Variants in HARS2 observed in about 807,000 individuals in gnomAD.
HARS2 encodes the protein histidine--tRNA ligase, mitochondrial.
Under a neutral mutation model 62.4 loss-of-function variants are expected in HARS2, and 40 were observed. That is an observed-to-expected ratio of 0.64 (90% CI 0.50 to 0.83). HARS2 has a LOEUF of 0.83. Ranked by LOEUF, HARS2 falls within the 40% of genes least tolerant of loss-of-function variation. HARS2 has a pLI of 0.00. For synonymous variants in HARS2, 228 were observed against 227.0 expected (o/e 1.00, Z -0.04); for missense variants, 569 against 626.4 (o/e 0.91, Z 0.98).
intron 12 of HARS2, 135 bp from the exon 13 acceptor site, chr5:140,698,358 G>A (rs1210534429): frequency 2.4e-6 from 2 of 818,472 alleles, no homozygotes; most frequent in Non-Finnish European, 4.4e-6. Flanking sequence ...CATTCTTCAG[G>A]TCAACCCACA....
Position 140,693,660 on chromosome 5 carries a change from C to G in HARS2, c.178C>G (p.Pro60Ala). 6.2e-7 allele frequency: 1 copy of G among 1,613,214 alleles called. No homozygotes were observed. The highest frequency in any genetic ancestry group is 1.7e-5 in the Admixed American group (1 of 60,020). The stretch of plus-strand genomic sequence containing the variant: ...GAAACCAAATTTTATTATCAAGACC[C>G]CAAAGGTAATACTTTTTGCCTACCC... Reference protein sequence around the residue: ...QEKPNFIIKTPKGTRDLSPQH... With the variant: ...QEKPNFIIKTAKGTRDLSPQH... Residue 60 changes from proline (P) to alanine (A), a missense_variant, in exon 2 of 13, where the codon CCA becomes GCA. Coordinates refer to ENST00000230771, the MANE Select transcript of HARS2 (RefSeq NM_012208.4).
chr5:140,693,347 AAT>A, intron 1 of HARS2: 1 of 711,080 alleles, frequency 1.4e-6, no homozygotes, highest in Non-Finnish European at 2.3e-6. Flanking sequence ...AAAAAAAAAA[AAT>A]CCATATACAG....
chr5:140,692,946 G>T (rs1161973379), intron 1 of HARS2, among the ~76,000 whole-genome samples: 1 of 151,852 alleles, frequency 6.6e-6, no homozygotes, highest in Non-Finnish European at 1.5e-5. Context: ...ACCTGGAGAA[G>T]ATCACCATAA....
chr5:140,691,844 T>TA, intron 1 of HARS2, 88 bp downstream of exon 1: 1 of 940,438 alleles, frequency 1.1e-6, no homozygotes, highest in Non-Finnish European at 1.7e-6. Flanking sequence ...CCAGTAGTGT[T>TA]ACAATCGGTT....
At chr5:140,696,244 G>C in intron 7 of HARS2, 43 bp downstream of exon 7, 1 of 1,341,588 alleles carries the variant, frequency 7.5e-7, no homozygotes, top group Non-Finnish European at 1.1e-6. Flanking sequence ...TCTAGCTTCT[G>C]CCCTGCCCTC....
intron 1 of HARS2, among the ~76,000 whole-genome samples, chr5:140,693,227 G>A (rs1759603018): frequency 6.6e-6 from 1 of 151,702 alleles, no homozygotes; most frequent in Non-Finnish European, 1.5e-5. Context: ...CAGCTACTCG[G>A]GAGGCTAAGG....
intron 1 of HARS2, among the ~76,000 whole-genome samples, chr5:140,692,522 T>A (rs1352507505): frequency 6.6e-6 from 1 of 152,240 alleles, no homozygotes; most frequent in Non-Finnish European, 1.5e-5. Flanking sequence ...TTCTGTGTCC[T>A]TGAGCTGGTT....
In HARS2 at chr5:140,697,327, C is replaced by T. The variant is rs1313047437; in HGVS notation, c.1118C>T (p.Pro373Leu). 1.2e-6 allele frequency: 2 copies of T among 1,613,988 alleles called. No homozygotes were observed. The highest frequency in any genetic ancestry group is 1.7e-6 in the Non-Finnish European group (2 of 1,180,032). The change falls in exon 10 of 13, where the codon CCC (proline) becomes CTC (leucine). Residue 373 changes from proline (P) to leucine (L), a missense_variant. By Grantham distance (98) the Pro-to-Leu change is moderately conservative (BLOSUM62 -3). Coordinates refer to ENST00000230771, the MANE Select transcript of HARS2 (RefSeq NM_012208.4). ...GATGGGCTGGTGGGCATGTTTGACC[C>T]CAAGGGCCACAAGGTGCCATGTGTG... ...RYDGLVGMFD[P>L]KGHKVPCVGL...
intron 4 of HARS2, among the ~76,000 whole-genome samples, chr5:140,694,962 T>G (rs1759687081): frequency 6.6e-6 from 1 of 151,012 alleles, no homozygotes. Flanking sequence ...AAAAATTTTT[T>G]TTGTGGAGAT....
In HARS2 at chr5:140,697,189, G is replaced by A. The variant is rs778499309; in HGVS notation, c.980G>A (p.Arg327Gln). 7.4e-6 allele frequency: 12 copies of A among 1,614,136 alleles called. No homozygotes were observed. The highest frequency in any genetic ancestry group is 4.5e-5 in the East Asian group (2 of 44,880). The part of the protein sequence containing the change: ...DKISFDLSLA[R>Q]GLDYYTGVIY... ...ATCTCCTTTGACCTCAGCCTGGCTC[G>A]GGGCCTAGACTACTATACAGGAGTG... The change falls in exon 10 of 13, where the codon CGG becomes CAG. Residue 327 changes from arginine (R) to glutamine (Q), a missense_variant. By Grantham distance (43) the Arg-to-Gln change is conservative (BLOSUM62 1). Coordinates refer to ENST00000230771, the MANE Select transcript of HARS2 (RefSeq NM_012208.4).
In HARS2 at chr5:140,697,703, T is replaced by C. The variant is rs1223345839; in HGVS notation, c.1314+18T>C. Reference sequence around the variant, plus strand: ...GAATCAAGGTATGGTGGAGCTGATATCTGAGCCATCTGGGTATGTGTGGAA... The same window carrying C: ...GAATCAAGGTATGGTGGAGCTGATACCTGAGCCATCTGGGTATGTGTGGAA... On this transcript the variant is annotated intron_variant, in intron 11 of 12. Coordinates refer to ENST00000230771, the MANE Select transcript of HARS2 (RefSeq NM_012208.4). 2 of 1,520,544 alleles carry C rather than the reference T, an allele frequency of 1.3e-6. No homozygotes were observed. Among genetic ancestry groups the C allele is most frequent in the Non-Finnish European group, 1.8e-6 (2 of 1,094,676 alleles). The allele number at this position is 1,520,544 out of a possible 1,614,324, so 94.2% of individuals were successfully genotyped here.
rs7715879 is a variant in HARS2, at chr5:140,698,391, G to A, written c.1462-102G>A. The A allele has an allele frequency of 1.7e-3, 1,552 of 916,472 alleles. 13 individuals are homozygous for A. In the African/African-American group the frequency reaches 0.023, roughly 14 times the overall value. 56.8% of individuals were successfully genotyped at this position (916,472 alleles called of 1,614,324 possible). A position where few individuals can be genotyped will look rare whatever the true frequency, so the allele number is the denominator to read the frequency against. On this transcript the variant is annotated intron_variant, in intron 12 of 12. Transcript: ENST00000230771. ...ACACTACTCCTTTCTGGTTGTATAA[G>A]TAATGGGAGAAGATGCAGAGTAAAA...
chr5:140,694,117 A>G (rs1446191216), intron 3 of HARS2, 63 bp downstream of exon 3: 1 of 1,609,710 alleles, frequency 6.2e-7, no homozygotes, highest in Non-Finnish European at 8.5e-7. Flanking sequence ...TCAGTGTCCC[A>G]AAGGGCTTCT....
Position 140,698,560 on chromosome 5 carries a change from C to G in HARS2, c.*8C>G, listed in dbSNP as rs375444625. 2 of 1,608,148 alleles carry G rather than the reference C, an allele frequency of 1.2e-6. No individual in the cohort carries two copies. Among genetic ancestry groups the G allele is most frequent in the Non-Finnish European group, 1.7e-6 (2 of 1,174,510 alleles). On this transcript the variant is annotated 3_prime_UTR_variant, in exon 13 of 13. Transcript: ENST00000230771. ...CGACTGTCTGAGTCTTGATCCTTGC[C>G]TGATTCCCATCTGCTGCTCTTTGTA... is the stretch of plus-strand genomic sequence containing the variant.
intron 1 of HARS2, among the ~76,000 whole-genome samples, chr5:140,693,034 TG>T (rs1230059837): frequency 1.3e-5 from 2 of 151,682 alleles, no homozygotes; most frequent in Admixed American, 6.6e-5. Context: ...TTAAAGTATT[TG>T]AGAATATTAA....
chr5:140,696,388 A>T, intron 7 of HARS2, 133 bp from the exon 8 acceptor site: 3 of 825,664 alleles, frequency 3.6e-6, no homozygotes, highest in Non-Finnish European at 6.3e-6. Context: ...TGGATTTCTT[A>T]AGCTGTCTCT....
Position 140,691,610 on chromosome 5 carries a change from T to C in HARS2, c.-39T>C. On this transcript the variant is annotated 5_prime_UTR_variant, in exon 1 of 13. Coordinates refer to ENST00000230771, the MANE Select transcript of HARS2 (RefSeq NM_012208.4). ...GTCTGACCCGCCTCCTTCCCAGGCC[T>C]TTTGTTCCTGTCCCGGAAAGCCGGC... 7.3e-7 allele frequency: 1 copy of C among 1,365,568 alleles called. No homozygotes were observed. The highest frequency in any genetic ancestry group is 1.0e-6 in the Non-Finnish European group (1 of 979,214). The allele number at this position is 1,365,568 out of a possible 1,614,324, so 84.6% of individuals were successfully genotyped here. A position where few individuals can be genotyped will look rare whatever the true frequency, so the allele number is the denominator to read the frequency against.
chr5:140,698,880 C>A lies in HARS2; in HGVS notation c.*328C>A. 2.5e-6 allele frequency: 1 copy of A among 395,126 alleles called. No individual in the cohort carries two copies. The highest frequency in any genetic ancestry group is 4.8e-6 in the Non-Finnish European group (1 of 208,812). 24.5% of individuals were successfully genotyped at this position (395,126 alleles called of 1,614,324 possible). ...AAGGCTCTGGGAGAGTCACCTCAGGCTCAGGATTCTGAACCATTGAGATCA... is the reference window on the plus strand; with the variant it reads ...AAGGCTCTGGGAGAGTCACCTCAGGATCAGGATTCTGAACCATTGAGATCA... On this transcript the variant is annotated 3_prime_UTR_variant, in exon 13 of 13. Coordinates refer to ENST00000230771, the MANE Select transcript of HARS2 (RefSeq NM_012208.4).
At position 140,691,626 on chromosome 5, in the gene HARS2, GA is replaced by G; in HGVS notation, c.-20del. On this transcript the variant is annotated 5_prime_UTR_variant, in exon 1 of 13. Coordinates refer to ENST00000230771, the MANE Select transcript of HARS2 (RefSeq NM_012208.4). ...TCCCAGGCCTTTTGTTCCTGTCCCG[GA>G]AAGCCGGCGTCCTGCCGCGCGATGC... 6.7e-7 allele frequency: 1 copy of G among 1,493,338 alleles called. No homozygotes were observed. Among genetic ancestry groups the G allele is most frequent in the East Asian group, 2.5e-5 (1 of 40,642 alleles). 92.5% of individuals were successfully genotyped at this position (1,493,338 alleles called of 1,614,324 possible). A position where few individuals can be genotyped will look rare whatever the true frequency, so the allele number is the denominator to read the frequency against.
Sources: gnomAD v4.1 joint callset for allele counts (sites outside exome capture counted in the v4.1 genomes callset) on GRCh38, gnomAD v4.1.1 for gene constraint, MANE v1.5 for transcripts, NCBI Gene and HGNC (gene_info 2026-07-23, HGNC 2026-07-21) for gene names.